Variants in NDP observed in about 807,000 individuals in gnomAD.
NDP encodes the protein norrin.
In NDP, 2 loss-of-function variants were observed where a neutral mutation model predicts 8.4. The ratio of observed to expected loss-of-function variants is 0.24; its 90% confidence interval spans 0.10 to 0.75. The LOEUF is 0.75. Ranked by LOEUF, NDP falls within the 30% of genes least tolerant of loss-of-function variation. NDP has a pLI of 0.73. For synonymous variants in NDP, 55 were observed against 45.6 expected (o/e 1.21, Z -0.83); for missense variants, 81 against 110.1 (o/e 0.74, Z 1.18).
intron 2 of NDP, among the ~76,000 whole-genome samples, chrX:43,951,690 A>G (rs917116102): frequency 3.5e-4 from 39 of 111,478 alleles, no homozygotes; most frequent in African/African-American, 1.3e-3. Flanking sequence ...GAAAAGATGA[A>G]TTCTGGTAAT....
At chrX:43,965,697 C>A (rs1214058039) in intron 1 of NDP, among the ~76,000 whole-genome samples, 1 of 111,675 alleles carries the variant, frequency 9.0e-6, no homozygotes, top group Non-Finnish European at 1.9e-5. Context: ...GCTTGAGCCA[C>A]AGATCCTCGT....
intron 1 of NDP, among the ~76,000 whole-genome samples, chrX:43,968,229 A>C (rs2035869800): frequency 8.9e-6 from 1 of 112,052 alleles, no homozygotes; most frequent in African/African-American, 3.3e-5. Flanking sequence ...TCTGGGGGTA[A>C]GACTCTAGTG....
chrX:43,952,658 C>T, intron 2 of NDP, among the ~76,000 whole-genome samples: 1 of 111,891 alleles, frequency 8.9e-6, no homozygotes, highest in South Asian at 3.8e-4. Context: ...TCCAGCTCCA[C>T]CCCCAGCCCA....
intron 2 of NDP, among the ~76,000 whole-genome samples, chrX:43,958,250 C>T (rs1203047205): frequency 8.9e-6 from 1 of 112,270 alleles, no homozygotes; most frequent in Non-Finnish European, 1.9e-5. Context: ...GGACACCTGT[C>T]CCACTGGATG....
chrX:43,957,703 C>T (rs759203166), intron 2 of NDP, among the ~76,000 whole-genome samples: 1 of 107,547 alleles, frequency 9.3e-6, no homozygotes, highest in African/African-American at 3.4e-5. Flanking sequence ...ATGTAAAAAT[C>T]TCTGAGGTTG....
chrX:43,958,926 A>G (rs1233420568), intron 1 of NDP, 74 bp from the exon 2 acceptor site: 3 of 333,641 alleles, frequency 9.0e-6, no homozygotes, highest in African/African-American at 7.9e-5. Flanking sequence ...GGAGGTATTA[A>G]GTAGAATTTT....
chrX:43,957,600 G>T (rs778904589), intron 2 of NDP, among the ~76,000 whole-genome samples: 33 of 110,179 alleles, frequency 3.0e-4, no homozygotes, highest in Non-Finnish European at 4.9e-4. Flanking sequence ...TAATTCTGGT[G>T]ATTGATACTA....
chrX:43,954,164 A>C (rs1195253852), intron 2 of NDP, among the ~76,000 whole-genome samples: 1 of 111,947 alleles, frequency 8.9e-6, no homozygotes, highest in African/African-American at 3.3e-5. Context: ...CTATAACCTC[A>C]GGAACAAGAT....
chrX:43,973,136 T>G (rs750530818), intron 1 of NDP, among the ~76,000 whole-genome samples, 168 bp downstream of exon 1: 49 of 113,016 alleles, frequency 4.3e-4, no homozygotes, highest in African/African-American at 1.4e-3. Context: ...AAAGACCCGT[T>G]CATTTAAGAA....
rs2035751096 is a variant in NDP at position 43,949,952 on chromosome X, A to G, written c.249T>C (p.Thr83=). The change falls in exon 3 of 3, where the codon ACT becomes ACC. Residue 83 remains threonine (T), a synonymous_variant. Coordinates refer to ENST00000642620, the MANE Select transcript of NDP (RefSeq NM_000266.4). ...AGGAACGGAAGGGTTGCTTGAGGAC[A>G]GTGCTGAACGACACCAAAGGCTCGG... ...SRSEPLVSFS[T]VLKQPFRSSC... 1 of 1,208,613 alleles carries G rather than the reference A, an allele frequency of 8.3e-7. No homozygotes were observed. Among genetic ancestry groups the G allele is most frequent in the Admixed American group, 2.2e-5 (1 of 45,856 alleles).
chrX:43,959,671 G>C (rs968038353), intron 1 of NDP, among the ~76,000 whole-genome samples: 1 of 111,397 alleles, frequency 9.0e-6, no homozygotes, highest in Non-Finnish European at 1.9e-5. Flanking sequence ...AAAGGACTGG[G>C]GTCCAGAGAT....
At chrX:43,963,936 C>A (rs923374175) in intron 1 of NDP, among the ~76,000 whole-genome samples, 2 of 112,767 alleles carry the variant, frequency 1.8e-5, no homozygotes, top group African/African-American at 6.5e-5. Context: ...GCACTGACTG[C>A]AAATGCTGCT....
intron 1 of NDP, among the ~76,000 whole-genome samples, chrX:43,966,813 G>A (rs369390811): frequency 2.7e-5 from 3 of 111,375 alleles, no homozygotes; most frequent in Middle Eastern, 4.6e-3. Context: ...CCAAAGCTGC[G>A]TTTGAACCTC....
chrX:43,958,243 C>A (rs1232744602), intron 2 of NDP, among the ~76,000 whole-genome samples: 1 of 112,175 alleles, frequency 8.9e-6, no homozygotes, highest in Non-Finnish European at 1.9e-5. Flanking sequence ...GGACAAAGGA[C>A]ACCTGTCCCA....
intron 2 of NDP, among the ~76,000 whole-genome samples, chrX:43,954,961 C>T (rs980202132): frequency 9.0e-6 from 1 of 111,081 alleles, no homozygotes; most frequent in African/African-American, 3.3e-5. Context: ...TTCCTGAAAT[C>T]CCCTCCCTGG....
intron 1 of NDP, among the ~76,000 whole-genome samples, chrX:43,962,898 G>A (rs1479689289): frequency 8.9e-6 from 1 of 112,208 alleles, no homozygotes; most frequent in African/African-American, 3.2e-5. Flanking sequence ...CATCCTCAGG[G>A]AAATAATATA....
At chrX:43,956,512 G>T (rs923540209) in intron 2 of NDP, among the ~76,000 whole-genome samples, 2 of 111,757 alleles carry the variant, frequency 1.8e-5, no homozygotes, top group Non-Finnish European at 3.8e-5. Flanking sequence ...TTAGAGAAAA[G>T]ATCAGCCCGA....
chrX:43,950,474 A>G (rs1247132841), intron 2 of NDP, among the ~76,000 whole-genome samples: 1 of 110,638 alleles, frequency 9.0e-6, no homozygotes, highest in South Asian at 3.8e-4. Flanking sequence ...AAAAAAAAAA[A>G]AAAAGAAATT....
intron 1 of NDP, among the ~76,000 whole-genome samples, chrX:43,962,307 A>T (rs1375640136): frequency 2.8e-5 from 3 of 108,926 alleles, no homozygotes; most frequent in Non-Finnish European, 5.7e-5. Context: ...TTCAAATTGA[A>T]TGAACCAACA....
Sources: allele counts gnomAD v4.1 joint callset (sites outside exome capture counted in the v4.1 genomes callset), GRCh38; gene constraint gnomAD v4.1.1; transcripts MANE v1.5; gene names NCBI Gene and HGNC (gene_info 2026-07-23, HGNC 2026-07-21).